The following LRRC3B variants were observed in gnomAD, a reference collection of about 807,000 sequenced individuals.
LRRC3B encodes the protein leucine rich repeat containing 3B.
In LRRC3B, 2 loss-of-function variants were observed where a neutral mutation model predicts 12.8. The observed-to-expected ratio is 0.16, with a 90% CI of 0.06 to 0.49. The LOEUF is 0.49. Ranked by LOEUF, LRRC3B falls within the 20% of genes least tolerant of loss-of-function variation. The probability of loss-of-function intolerance (pLI) is 0.96; values close to 1 mark genes in which losing one functional copy is unlikely to be tolerated. For synonymous variants in LRRC3B, 132 were observed against 122.0 expected (o/e 1.08, Z -0.54); for missense variants, 189 against 319.4 (o/e 0.59, Z 3.11).
At chr3:26,699,357 C>T (rs1166167451) in intron 1 of LRRC3B, among the ~76,000 whole-genome samples, 1 of 152,084 alleles carries the variant, frequency 6.6e-6, no homozygotes, top group African/African-American at 2.4e-5. Flanking sequence ...CTCCTTGTAA[C>T]TGTGAGACCA....
At chr3:26,677,177 C>T (rs945414219) in intron 1 of LRRC3B, among the ~76,000 whole-genome samples, 2 of 152,142 alleles carry the variant, frequency 1.3e-5, no homozygotes, top group African/African-American at 4.8e-5. Flanking sequence ...AAATCATGTG[C>T]ATGAAGTACC....
Position 26,630,432 on chromosome 3 carries a change from G to A in LRRC3B, c.-161+7195G>A, listed in dbSNP as rs552511453. ...AATTTTATTGAAATATCTGTTTATCGACTTATAAAAGAAACCACTGTTACT... is the reference window on the plus strand; with the variant it reads ...AATTTTATTGAAATATCTGTTTATCAACTTATAAAAGAAACCACTGTTACT... On this transcript the variant is annotated intron_variant, in intron 1 of 1. Coordinates refer to ENST00000396641, the Ensembl canonical transcript of LRRC3B. 8.6e-5 allele frequency among the ~76,000 whole-genome samples: 13 copies of A among 152,002 alleles called. No individual in the cohort carries two copies. In the South Asian group the frequency reaches 2.3e-3, roughly 27 times the overall value.
intron 1 of LRRC3B, among the ~76,000 whole-genome samples, chr3:26,681,798 C>T (rs374914164): frequency 6.6e-6 from 1 of 152,162 alleles, no homozygotes; most frequent in South Asian, 2.1e-4. Flanking sequence ...CTAAAATAAG[C>T]CAAAGCCTCT....
chr3:26,666,570 T>A (rs1489998013), intron 1 of LRRC3B, among the ~76,000 whole-genome samples: 1 of 152,150 alleles, frequency 6.6e-6, no homozygotes, highest in African/African-American at 2.4e-5. Context: ...AAATTTAGAA[T>A]AGTTTTAGTT....
intron 1 of LRRC3B, among the ~76,000 whole-genome samples, chr3:26,652,927 G>A (rs1348117793): frequency 6.6e-6 from 1 of 151,742 alleles, no homozygotes; most frequent in African/African-American, 2.4e-5. Context: ...TTTTATTATG[G>A]CATAATCTCA....
chr3:26,674,130 T>G (rs186906448), intron 1 of LRRC3B, among the ~76,000 whole-genome samples: 1 of 152,306 alleles, frequency 6.6e-6, no homozygotes, highest in Admixed American at 6.5e-5. Context: ...TTATGTTGAG[T>G]TAGTTTTTGG....
intron 1 of LRRC3B, among the ~76,000 whole-genome samples, chr3:26,665,439 G>C (rs113809431): frequency 6.6e-6 from 1 of 152,066 alleles, no homozygotes; most frequent in African/African-American, 2.4e-5. Context: ...GCTTTGTCTC[G>C]TTGATGTGTT....
At position 26,679,504 on chromosome 3, in the gene LRRC3B, T is replaced by C. The variant is rs1423851584; in HGVS notation, c.-160-30009T>C. Reference sequence around the variant, plus strand: ...TGGTGTTCCTTCTCCTGGAGCTCTGTACCTTTCACTGTCTTCAAAGATTGT... The same window carrying C: ...TGGTGTTCCTTCTCCTGGAGCTCTGCACCTTTCACTGTCTTCAAAGATTGT... On this transcript the variant is annotated intron_variant, in intron 1 of 1. Coordinates refer to ENST00000396641, the Ensembl canonical transcript of LRRC3B. Among the ~76,000 whole-genome samples the C allele has an allele frequency of 6.6e-5, 10 of 152,216 alleles. 1 individual carries two copies. The highest frequency in any genetic ancestry group is 6.5e-4 in the Admixed American group (10 of 15,276).
chr3:26,624,077 G>C (rs1698566751), intron 1 of LRRC3B: 1 of 152,582 alleles, frequency 6.6e-6, no homozygotes, highest in South Asian at 2.1e-4. Flanking sequence ...ATGGGGGAGG[G>C]GCTGGGTACC....
chr3:26,645,582 A>G (rs1181393072), intron 1 of LRRC3B, among the ~76,000 whole-genome samples: 1 of 152,056 alleles, frequency 6.6e-6, no homozygotes, highest in Non-Finnish European at 1.5e-5. Flanking sequence ...ACACATGTAT[A>G]ATTTTCATTC....
intron 1 of LRRC3B, among the ~76,000 whole-genome samples, chr3:26,698,975 A>G (rs1000081855): frequency 2.0e-5 from 3 of 152,106 alleles, no homozygotes; most frequent in Admixed American, 1.3e-4. Flanking sequence ...CGTTGTTTTC[A>G]GTTGTGACAT....
At chr3:26,657,936 A>G (rs1699410261) in intron 1 of LRRC3B, among the ~76,000 whole-genome samples, 1 of 152,244 alleles carries the variant, frequency 6.6e-6, no homozygotes, top group Non-Finnish European at 1.5e-5. Context: ...GAGATATAAG[A>G]GAAAATCAGT....
chr3:26,688,578 G>A (rs1700131592), intron 1 of LRRC3B, among the ~76,000 whole-genome samples: 1 of 152,174 alleles, frequency 6.6e-6, no homozygotes, highest in South Asian at 2.1e-4. Flanking sequence ...GGGGAATCAG[G>A]CATATCTTAC....
At chr3:26,678,133 A>C (rs1699899793) in intron 1 of LRRC3B, among the ~76,000 whole-genome samples, 1 of 152,002 alleles carries the variant, frequency 6.6e-6, no homozygotes, top group Admixed American at 6.6e-5. Flanking sequence ...GGTATTTTTA[A>C]CAGTAGTTTT....
chr3:26,685,260 G>T (rs1267283004), intron 1 of LRRC3B, among the ~76,000 whole-genome samples: 1 of 151,694 alleles, frequency 6.6e-6, no homozygotes. Flanking sequence ...GCCCACATGG[G>T]GGTTATTGTT....
At chr3:26,642,276 C>T (rs927785133) in intron 1 of LRRC3B, among the ~76,000 whole-genome samples, 2 of 152,200 alleles carry the variant, frequency 1.3e-5, no homozygotes, top group African/African-American at 2.4e-5. Context: ...GAATCCCCTG[C>T]AAGGATCTTA....
chr3:26,695,873 AG>A (rs1700303045), intron 1 of LRRC3B, among the ~76,000 whole-genome samples: 1 of 152,236 alleles, frequency 6.6e-6, no homozygotes, highest in East Asian at 1.9e-4. Context: ...GGCTAAAACC[AG>A]GAGAGGGCAT....
At chr3:26,679,615 A>T (rs1699929432) in intron 1 of LRRC3B, among the ~76,000 whole-genome samples, 1 of 152,040 alleles carries the variant, frequency 6.6e-6, no homozygotes, top group South Asian at 2.1e-4. Flanking sequence ...AGCACCATCC[A>T]CTGCAACATG....
At chr3:26,689,244 G>A (rs1253856312) in intron 1 of LRRC3B, among the ~76,000 whole-genome samples, 1 of 152,140 alleles carries the variant, frequency 6.6e-6, no homozygotes, top group East Asian at 1.9e-4. Context: ...AATTTACTTA[G>A]TACACATTCA....
Sources: allele counts gnomAD v4.1 joint callset (sites outside exome capture counted in the v4.1 genomes callset), GRCh38; gene constraint gnomAD v4.1.1; transcripts MANE v1.5; gene names NCBI Gene and HGNC (gene_info 2026-07-23, HGNC 2026-07-21).